Variants in PALM2AKAP2 observed in about 807,000 individuals in gnomAD.
PALM2AKAP2 encodes PALM2-AKAP2 fusion protein.
Under a neutral mutation model 71.5 loss-of-function variants are expected in PALM2AKAP2, and 37 were observed. The observed-to-expected ratio is 0.52, with a 90% CI of 0.40 to 0.68. PALM2AKAP2 has a LOEUF of 0.68. Ranked by LOEUF, PALM2AKAP2 falls within the 30% of genes least tolerant of loss-of-function variation. PALM2AKAP2 has a pLI of 0.00. For missense variants in PALM2AKAP2, 1,224 were observed against 1,191.8 expected (o/e 1.03, Z -0.40); for synonymous variants, 468 against 478.8 (o/e 0.98, Z 0.29).
chr9:109,720,794 C>T (rs928235269), intron 1 of PALM2AKAP2, among the ~76,000 whole-genome samples: 2 of 152,208 alleles, frequency 1.3e-5, no homozygotes, highest in Non-Finnish European at 2.9e-5. Flanking sequence ...GATTTGTTCA[C>T]TCATTCACTC....
At chr9:110,046,413 C>T (rs1227124323), upstream of PALM2AKAP2, among the ~76,000 whole-genome samples, 1 of 150,082 alleles carries the variant, frequency 6.7e-6, no homozygotes, top group African/African-American at 2.5e-5. Flanking sequence ...AAAGCATTGA[C>T]GTTGTTTTAG....
At chr9:109,685,554 C>A (rs1049824508) in intron 1 of PALM2AKAP2, among the ~76,000 whole-genome samples, 1 of 152,004 alleles carries the variant, frequency 6.6e-6, no homozygotes, top group African/African-American at 2.4e-5. Flanking sequence ...AGACTATAGT[C>A]TTTTAAGTGT....
At chr9:109,943,273 A>G (rs1361400846) in intron 6 of PALM2AKAP2, 4 of 1,614,226 alleles carry the variant, frequency 2.5e-6, no homozygotes, top group Non-Finnish European at 2.5e-6. Context: ...CGTGTCCACT[A>G]TTGACGGGAA....
chr9:110,080,094 AAT>A (rs1220602527), intron 1 of PALM2AKAP2, among the ~76,000 whole-genome samples: 13 of 135,656 alleles, frequency 9.6e-5, no homozygotes, highest in African/African-American at 3.8e-4. Flanking sequence ...AAAAAAAAAA[AAT>A]AGAAGATTAA....
At chr9:109,734,898 C>T (rs954883718) in intron 1 of PALM2AKAP2, among the ~76,000 whole-genome samples, 5 of 151,904 alleles carry the variant, frequency 3.3e-5, no homozygotes, top group African/African-American at 1.2e-4. Context: ...AGATTGAAAC[C>T]TCTTCCCCTC....
intron 1 of PALM2AKAP2, among the ~76,000 whole-genome samples, chr9:109,799,061 T>A (rs1827345132): frequency 6.6e-6 from 1 of 152,160 alleles, no homozygotes. Flanking sequence ...TCCTAGCACC[T>A]CCTAACCTCC....
rs192816827 is a variant in PALM2AKAP2, at chr9:109,741,105, C to T, written c.6-39383C>T. On this transcript the variant is annotated intron_variant, in intron 1 of 6. Coordinates refer to the PALM2AKAP2 transcript ENST00000374531. ...CCTAGACATAGAGGATTTTCATCAC[C>T]TCAGAAAGTTTATTTGTGATGCTTT... 1.7e-4 allele frequency among the ~76,000 whole-genome samples: 26 copies of T among 152,266 alleles called. No homozygotes were observed. In the East Asian group the frequency reaches 3.7e-3, roughly 21 times the overall value.
intron 6 of PALM2AKAP2, among the ~76,000 whole-genome samples, chr9:109,978,107 AGGTGAGTG>A (rs1374497469): frequency 6.6e-6 from 1 of 152,056 alleles, no homozygotes; most frequent in Non-Finnish European, 1.5e-5. Context: ...AAAGCCCCAG[AGGTGAGTG>A]GGTGAGTGGA....
intron 1 of PALM2AKAP2, among the ~76,000 whole-genome samples, chr9:110,114,520 C>T (rs1223428480): frequency 6.6e-6 from 1 of 152,188 alleles, no homozygotes; most frequent in Non-Finnish European, 1.5e-5. Context: ...GATGATGACC[C>T]AGAGTCTCAG....
At chr9:109,801,312 G>A (rs926364179) in intron 1 of PALM2AKAP2, among the ~76,000 whole-genome samples, 4 of 152,204 alleles carry the variant, frequency 2.6e-5, no homozygotes, top group African/African-American at 9.6e-5. Context: ...GCAGGAGGAT[G>A]AGGTAGAAAT....
chr9:109,815,432 G>A (rs1014636566), intron 1 of PALM2AKAP2, among the ~76,000 whole-genome samples: 4 of 152,192 alleles, frequency 2.6e-5, no homozygotes, highest in Non-Finnish European at 2.9e-5. Flanking sequence ...AGCCATGGAT[G>A]TGAATGAGGC....
chr9:110,096,426 A>AATTAATTTATTTATTTATTT (rs372825608), intron 1 of PALM2AKAP2, among the ~76,000 whole-genome samples: 1 of 149,400 alleles, frequency 6.7e-6, no homozygotes, highest in African/African-American at 2.5e-5. Context: ...ATTATGCCTG[A>AATTAATTTATTTATTTATTT]ATTTATTTAT....
At chr9:109,702,201 G>T (rs1211522764) in intron 1 of PALM2AKAP2, among the ~76,000 whole-genome samples, 1 of 152,046 alleles carries the variant, frequency 6.6e-6, no homozygotes, top group Non-Finnish European at 1.5e-5. Context: ...CAGGGATCTA[G>T]AACTAGAAAT....
intron 1 of PALM2AKAP2, among the ~76,000 whole-genome samples, chr9:109,720,638 A>G (rs1828391485): frequency 6.6e-6 from 1 of 152,244 alleles, no homozygotes; most frequent in Admixed American, 6.5e-5. Context: ...AGCAAAATCT[A>G]TAGGGTTCAT....
intron 6 of PALM2AKAP2, among the ~76,000 whole-genome samples, chr9:109,938,984 GC>G (rs1320579007): frequency 6.6e-6 from 1 of 152,000 alleles, no homozygotes; most frequent in Non-Finnish European, 1.5e-5. Flanking sequence ...AGACAAAGTC[GC>G]ACCGCTGCAC....
chr9:109,697,406 A>G (rs2118566783), intron 1 of PALM2AKAP2, among the ~76,000 whole-genome samples: 1 of 152,308 alleles, frequency 6.6e-6, no homozygotes, highest in Admixed American at 6.5e-5. Context: ...GGTCTATGAA[A>G]TTAGAAGGAA....
At chr9:110,075,862 A>G (rs1472889468) in intron 1 of PALM2AKAP2, among the ~76,000 whole-genome samples, 1 of 152,078 alleles carries the variant, frequency 6.6e-6, no homozygotes, top group Non-Finnish European at 1.5e-5. Flanking sequence ...TATAATTTAT[A>G]TATGTCTATA....
At chr9:109,782,542 T>G (rs1254351508) in intron 1 of PALM2AKAP2, among the ~76,000 whole-genome samples, 3 of 152,160 alleles carry the variant, frequency 2.0e-5, no homozygotes, top group Non-Finnish European at 4.4e-5. Flanking sequence ...TACAGTGTAT[T>G]AGGTATTATA....
chr9:110,101,902 G>A (rs1168999918), intron 1 of PALM2AKAP2, among the ~76,000 whole-genome samples: 2 of 152,200 alleles, frequency 1.3e-5, no homozygotes, highest in African/African-American at 4.8e-5. Context: ...AAGGAGCTGT[G>A]GATGTCTTCC....
Sources: gnomAD v4.1 joint callset for allele counts (sites outside exome capture counted in the v4.1 genomes callset) on GRCh38, gnomAD v4.1.1 for gene constraint, MANE v1.5 for transcripts, NCBI Gene and HGNC (gene_info 2026-07-23, HGNC 2026-07-21) for gene names.